HOXB7: variants seen among roughly 807,000 people sequenced by gnomAD.
HOXB7 encodes homeobox protein Hox-B7.
HOXB7 carries 11 observed loss-of-function variants against 19.2 expected under a neutral mutation model. That is an observed-to-expected ratio of 0.57 (90% confidence interval 0.36 to 0.95). The LOEUF is 0.95. Ranked by LOEUF, HOXB7 falls within the 40% of genes least tolerant of loss-of-function variation. HOXB7 has a pLI of 0.01. For synonymous variants in HOXB7, 141 were observed against 130.2 expected (o/e 1.08, Z -0.56); for missense variants, 318 against 301.1 (o/e 1.06, Z -0.42).
At chr17:48,609,821 TC>T (rs1029579289) in intron 1 of HOXB7, among the ~76,000 whole-genome samples, 37 of 152,250 alleles carry the variant, frequency 2.4e-4, no homozygotes, top group African/African-American at 8.7e-4. Flanking sequence ...TCTGCCCCTT[TC>T]TAGTTCTCCT....
chr17:48,608,275 T>A, intron 1 of HOXB7, 180 bp from the exon 2 acceptor site: 1 of 726,372 alleles, frequency 1.4e-6, no homozygotes, highest in Non-Finnish European at 2.0e-6. Flanking sequence ...TACAAAAAAA[T>A]TAGCTGGGCG....
Position 48,610,878 on chromosome 17 carries a change from T to C in HOXB7, c.41A>G (p.Tyr14Cys). 6.6e-7 allele frequency: 1 copy of C among 1,524,640 alleles called. No individual in the cohort carries two copies. The highest frequency in any genetic ancestry group is 8.8e-7 in the Non-Finnish European group (1 of 1,136,602). 94.4% of individuals were successfully genotyped at this position (1,524,640 alleles called of 1,614,324 possible). Residue 14 changes from tyrosine (Y) to cysteine (C), a missense_variant, in exon 1 of 2, where the codon TAT becomes TGT. Transcript: ENST00000239165. ...LYYANTLFSK[Y>C]PASSSVFATG... ...AGCGAAAACCGAACTTGAGGCTGGATATTTAGAAAATAAAGTATTCGCATA... is the reference window on the plus strand; with the variant it reads ...AGCGAAAACCGAACTTGAGGCTGGACATTTAGAAAATAAAGTATTCGCATA...
Position 48,607,828 on chromosome 17 carries a change from C to G in HOXB7, c.*14G>C. ...CCCTTTCTCATGTCTCTTCCTCTGC[C>G]CTTTCTCCATCCCTCACTCTTCCTC... is the stretch of plus-strand genomic sequence containing the variant. On this transcript the variant is annotated 3_prime_UTR_variant, in exon 2 of 2. Coordinates refer to ENST00000239165, the MANE Select transcript of HOXB7 (RefSeq NM_004502.4). The G allele has an allele frequency of 6.2e-7, 1 of 1,602,332 alleles. No homozygotes were observed. Among genetic ancestry groups the G allele is most frequent in the Non-Finnish European group, 8.5e-7 (1 of 1,169,940 alleles).
rs1207877287 is a variant in HOXB7, at chr17:48,607,692, A to G, written c.*150T>C. 2.8e-6 allele frequency: 2 copies of G among 726,002 alleles called. No homozygotes were observed. Among genetic ancestry groups the G allele is most frequent in the African/African-American group, 3.6e-5 (2 of 55,234 alleles). 45.0% of individuals were successfully genotyped at this position (726,002 alleles called of 1,614,324 possible). On this transcript the variant is annotated 3_prime_UTR_variant, in exon 2 of 2. Transcript: ENST00000239165. ...TAAAAAATGTTTTTAAACTCCTTTC[A>G]TTTAAATAGGGTTTTTTTTTTGTTT...
chr17:48,609,014 G>A (rs1720759451), intron 1 of HOXB7, among the ~76,000 whole-genome samples: 2 of 152,276 alleles, frequency 1.3e-5, no homozygotes, highest in South Asian at 4.1e-4. Flanking sequence ...TCTGACAGCA[G>A]TGACCCTCTG....
chr17:48,610,841 G>C lies in HOXB7; in HGVS notation c.78C>G (p.Phe26Leu), dbSNP rs547407382. 3 of 1,562,570 alleles carry C rather than the reference G, an allele frequency of 1.9e-6. No homozygotes were observed. The highest frequency in any genetic ancestry group is 2.6e-6 in the Non-Finnish European group (3 of 1,155,336). ...ASSSVFATGA[F>L]PEQTSCAFAS... ...CAAACGCACAAGAAGTTTGTTCTGG[G>C]AAGGCTCCGGTAGCGAAAACCGAAC... is the stretch of plus-strand genomic sequence containing the variant. The change falls in exon 1 of 2, where the codon TTC becomes TTG. Residue 26 changes from phenylalanine to leucine, a missense_variant. Coordinates refer to ENST00000239165, the MANE Select transcript of HOXB7 (RefSeq NM_004502.4).
In HOXB7 at chr17:48,607,977, C is replaced by A; in HGVS notation, c.519G>T (p.Thr173=). 1 of 1,614,178 alleles carries A rather than the reference C, an allele frequency of 6.2e-7. No individual in the cohort carries two copies. The highest frequency in any genetic ancestry group is 8.5e-7 in the Non-Finnish European group (1 of 1,180,032). The change falls in exon 2 of 2, where the codon ACG becomes ACT. Residue 173 remains threonine (T), a synonymous_variant. Coordinates refer to ENST00000239165, the MANE Select transcript of HOXB7 (RefSeq NM_004502.4). ...TRRRRIEIAH[T]LCLTERQIKI... is the part of the protein sequence containing the mutation. The stretch of plus-strand genomic sequence containing the variant: ...TGATCTGTCTTTCCGTGAGGCAGAG[C>A]GTGTGCGCGATCTCGATGCGCCGCC...
rs1205260852 is a variant in HOXB7, at chr17:48,607,465, T to C, written c.*377A>G. On this transcript the variant is annotated 3_prime_UTR_variant, in exon 2 of 2. Coordinates refer to ENST00000239165, the MANE Select transcript of HOXB7 (RefSeq NM_004502.4). ...AGACCCACAGTCCACAAAGACAGCA[T>C]TAAAGAGGGCTTACAAAACTGCAAG... 8.6e-5 allele frequency: 17 copies of C among 198,432 alleles called. No individual in the cohort carries two copies. The East Asian group carries it at 2.5e-3, about 29-fold the overall frequency. The allele number at this position is 198,432 out of a possible 1,614,324, so 12.3% of individuals were successfully genotyped here. A position where few individuals can be genotyped will look rare whatever the true frequency, so the allele number is the denominator to read the frequency against.
chr17:48,610,630 A>T lies in HOXB7; in HGVS notation c.289T>A (p.Ser97Thr). Residue 97 changes from serine (S) to threonine (T), a missense_variant, in exon 1 of 2, where the codon TCC becomes ACC. Transcript: ENST00000239165. Reference sequence around the variant, plus strand: ...GCGGAGTCGCCGGGACACACCCCGGAGAGGTTCTGCTCAAAGGGCGCGCAG... The same window carrying T: ...GCGGAGTCGCCGGGACACACCCCGGTGAGGTTCTGCTCAAAGGGCGCGCAG... ...MHCAPFEQNLSGVCPGDSAKA... is the reference protein window; with the variant it reads ...MHCAPFEQNLTGVCPGDSAKA... The T allele has an allele frequency of 6.4e-7, 1 of 1,566,756 alleles. No homozygotes were observed. The highest frequency in any genetic ancestry group is 1.2e-5 in the South Asian group (1 of 86,154).
intron 1 of HOXB7, among the ~76,000 whole-genome samples, chr17:48,609,618 T>C (rs1352715659): frequency 1.3e-5 from 2 of 152,190 alleles, no homozygotes; most frequent in African/African-American, 4.8e-5. Context: ...CTCAGCCTCT[T>C]GGGGTTCTGC....
chr17:48,608,804 A>T (rs150325908), intron 1 of HOXB7, among the ~76,000 whole-genome samples: 77 of 152,250 alleles, frequency 5.1e-4, no homozygotes, highest in African/African-American at 1.8e-3. Context: ...CTGAATGCTG[A>T]TCTGATGGTC....
Position 48,610,790 on chromosome 17 carries a change from ATAGCCCGGGCGCTG to A in HOXB7, c.115_128del (p.Gln39TrpfsTer50). The A allele has an allele frequency of 6.3e-7, 1 of 1,596,558 alleles. No homozygotes were observed. The highest frequency in any genetic ancestry group is 8.5e-7 in the Non-Finnish European group (1 of 1,171,010). ...CGAAGGAAGCGCCCGAACCCGCTCC[ATAGCCCGGGCGCTG>A]GGGGTTGGAAGCAAACGCACAAGAA... On this transcript the variant is annotated frameshift_variant, in exon 1 of 2. Transcript: ENST00000239165. LOFTEE classifies it high-confidence loss of function.
In HOXB7 at chr17:48,610,504, G is replaced by A. The variant is rs781318548; in HGVS notation, c.400+15C>T. 6.8e-7 allele frequency: 1 copy of A among 1,468,080 alleles called. No homozygotes were observed. 90.9% of individuals were successfully genotyped at this position (1,468,080 alleles called of 1,614,324 possible). On this transcript the variant is annotated intron_variant, in intron 1 of 1. Coordinates refer to ENST00000239165, the MANE Select transcript of HOXB7 (RefSeq NM_004502.4). ...CGGCCCCTGGGGCTCAGGACAGCTCGGTGCGCGGCGTTACCTGAGCTTCGC... is the reference window on the plus strand; with the variant it reads ...CGGCCCCTGGGGCTCAGGACAGCTCAGTGCGCGGCGTTACCTGAGCTTCGC...
Position 48,610,889 on chromosome 17 carries a change from T to C in HOXB7, c.30A>G (p.Leu10=), listed in dbSNP as rs1029242526. Residue 10 remains leucine (L), a synonymous_variant, in exon 1 of 2, where the codon TTA becomes TTG. Coordinates refer to ENST00000239165, the MANE Select transcript of HOXB7 (RefSeq NM_004502.4). Reference sequence around the variant, plus strand: ...AACTTGAGGCTGGATATTTAGAAAATAAAGTATTCGCATAATACAATGAAC... The same window carrying C: ...AACTTGAGGCTGGATATTTAGAAAACAAAGTATTCGCATAATACAATGAAC... MSSLYYANT[L]FSKYPASSSV... is the part of the protein sequence containing the mutation. The C allele has an allele frequency of 3.3e-6, 5 of 1,518,274 alleles. No homozygotes were observed. In the African/African-American group the frequency reaches 7.0e-5, roughly 21 times the overall value. 94.1% of individuals were successfully genotyped at this position (1,518,274 alleles called of 1,614,324 possible). A position where few individuals can be genotyped will look rare whatever the true frequency, so the allele number is the denominator to read the frequency against.
intron 1 of HOXB7, among the ~76,000 whole-genome samples, chr17:48,609,687 G>A (rs2070623377): frequency 1.3e-5 from 2 of 152,168 alleles, no homozygotes; most frequent in South Asian, 4.1e-4. Context: ...GAGAGTCCTA[G>A]CCCCTCCCCC....
At position 48,607,584 on chromosome 17, in the gene HOXB7, CA is replaced by C. The variant is rs1430409439; in HGVS notation, c.*257del. On this transcript the variant is annotated 3_prime_UTR_variant, in exon 2 of 2. Transcript: ENST00000239165. ...TAGATAATATCCTTTTCATATTGTA[CA>C]AAAAAACCAAACCTGACAGACTTTC... 3 of 453,566 alleles carry C rather than the reference CA, an allele frequency of 6.6e-6. No individual in the cohort carries two copies. The highest frequency in any genetic ancestry group is 3.7e-5 in the East Asian group (1 of 27,052). 28.1% of individuals were successfully genotyped at this position (453,566 alleles called of 1,614,324 possible). A position where few individuals can be genotyped will look rare whatever the true frequency, so the allele number is the denominator to read the frequency against.
chr17:48,610,796 C>T lies in HOXB7; in HGVS notation c.123G>A (p.Pro41=). 1 of 1,594,784 alleles carries T rather than the reference C, an allele frequency of 6.3e-7. No individual in the cohort carries two copies. The highest frequency in any genetic ancestry group is 8.5e-7 in the Non-Finnish European group (1 of 1,170,262). Residue 41 remains proline, a synonymous_variant, in exon 1 of 2, where the codon CCG becomes CCA. Transcript: ENST00000239165. Reference sequence around the variant, plus strand: ...AAGCGCCCGAACCCGCTCCATAGCCCGGGCGCTGGGGGTTGGAAGCAAACG... The same window carrying T: ...AAGCGCCCGAACCCGCTCCATAGCCTGGGCGCTGGGGGTTGGAAGCAAACG... ...SCAFASNPQR[P]GYGAGSGASF...
At chr17:48,609,217 G>T (rs1039539084) in intron 1 of HOXB7, among the ~76,000 whole-genome samples, 1 of 152,200 alleles carries the variant, frequency 6.6e-6, no homozygotes, top group Non-Finnish European at 1.5e-5. Context: ...GGGTAGAGGG[G>T]AACTTCTGCA....
chr17:48,608,222 G>C (rs532933268), intron 1 of HOXB7, 127 bp from the exon 2 acceptor site: 98 of 1,214,490 alleles, frequency 8.1e-5, no homozygotes, highest in South Asian at 3.8e-4. Context: ...AGGAGATCGA[G>C]ACCAACCTGG....
Sources: allele counts gnomAD v4.1 joint callset (sites outside exome capture counted in the v4.1 genomes callset), GRCh38; gene constraint gnomAD v4.1.1; transcripts MANE v1.5; gene names NCBI Gene and HGNC (gene_info 2026-07-23, HGNC 2026-07-21).